The following ATF6 variants were observed in gnomAD, a reference collection of about 807,000 sequenced individuals.
The protein encoded by ATF6 is activating transcription factor 6, also known as cyclic AMP-dependent transcription factor ATF-6 alpha.
A neutral mutation model predicts 83.6 loss-of-function variants in ATF6; 53 were observed. The observed-to-expected ratio is 0.63, with a 90% CI of 0.51 to 0.80. The LOEUF is 0.80. Among genes scored for constraint, ATF6 ranks in the 30% least tolerant of loss-of-function variants. ATF6 has a pLI of 0.00. For missense variants in ATF6, 744 were observed against 797.9 expected, an observed-to-expected ratio of 0.93 and a Z score of 0.81; for synonymous variants, 288 against 285.8, an observed-to-expected ratio of 1.01 and a Z score of -0.08.
intron 6 of ATF6, among the ~76,000 whole-genome samples, chr1:161,800,223 G>T (rs1260790305): frequency 6.6e-6 from 1 of 152,084 alleles, no homozygotes; most frequent in East Asian, 1.9e-4. Context: ...GGTACTTTTG[G>T]ATTTTAGAAT....
intron 4 of ATF6, among the ~76,000 whole-genome samples, chr1:161,789,302 C>T (rs1557960895): frequency 7.7e-6 from 1 of 130,662 alleles, no homozygotes; most frequent in Admixed American, 8.2e-5. Flanking sequence ...CCCCATCTCA[C>T]TACCAGCTTC....
chr1:161,829,411 A>AT (rs1249674449), intron 9 of ATF6, among the ~76,000 whole-genome samples: 2 of 152,044 alleles, frequency 1.3e-5, no homozygotes, highest in African/African-American at 4.8e-5. Context: ...AGCAGACCTA[A>AT]TATACATCTA....
intron 14 of ATF6, chr1:161,891,632 T>C (rs78671576): frequency 0.15 from 22,073 of 152,108 alleles, 2,192 homozygotes; most frequent in East Asian, 0.32. Flanking sequence ...TTAAAAACAT[T>C]GAGAAGATCA....
chr1:161,942,915 G>A (rs1024299980), intron 15 of ATF6, among the ~76,000 whole-genome samples: 3 of 152,140 alleles, frequency 2.0e-5, no homozygotes, highest in East Asian at 1.9e-4. Flanking sequence ...GAGTGCAGTG[G>A]CGCAATCTTG....
rs1294657586 is a variant in ATF6, at chr1:161,802,082, T to C, written c.719T>C (p.Val240Ala). The C allele has an allele frequency of 6.2e-7, 1 of 1,614,096 alleles. No individual in the cohort carries two copies. Among genetic ancestry groups the C allele is most frequent in the Non-Finnish European group, 8.5e-7 (1 of 1,179,988 alleles). The change falls in exon 7 of 16, where the codon GTG (valine) becomes GCG (alanine). Residue 240 changes from valine to alanine, a missense_variant. Coordinates refer to ENST00000367942, the MANE Select transcript of ATF6 (RefSeq NM_007348.4). ...GQTVLLSQPT[V>A]VQLQAPGVLP... is the part of the protein sequence containing the mutation. ...ACGGTTTTGCTGTCTCAGCCTACTG[T>C]GGTACAACTTCAAGCACCTGGAGTT...
At chr1:161,817,942 A>G (rs1685652095) in intron 7 of ATF6, among the ~76,000 whole-genome samples, 1 of 151,906 alleles carries the variant, frequency 6.6e-6, no homozygotes, top group Non-Finnish European at 1.5e-5. Context: ...CCAAAAATAC[A>G]CAAACAAAAT....
intron 15 of ATF6, among the ~76,000 whole-genome samples, chr1:161,942,298 C>T (rs575957886): frequency 7.9e-5 from 12 of 152,266 alleles, no homozygotes; most frequent in Admixed American, 4.6e-4. Flanking sequence ...CAGTTTATTT[C>T]GTCTCCATAA....
intron 4 of ATF6, 142 bp from the exon 5 acceptor site, chr1:161,791,264 AAT>A: frequency 1.8e-5 from 9 of 502,210 alleles, no homozygotes; most frequent in Non-Finnish European, 3.0e-5. Context: ...CTTATTACTT[AAT>A]ATATATATAC....
chr1:161,873,795 C>G (rs1297289612), intron 14 of ATF6, among the ~76,000 whole-genome samples: 1 of 151,564 alleles, frequency 6.6e-6, no homozygotes, highest in Non-Finnish European at 1.5e-5. Flanking sequence ...AGGAAGTACC[C>G]TGAGGGCAGG....
chr1:161,791,900 T>A (rs1374870727), intron 5 of ATF6, among the ~76,000 whole-genome samples: 1 of 152,240 alleles, frequency 6.6e-6, no homozygotes, highest in Non-Finnish European at 1.5e-5. Flanking sequence ...AGTTAGTGTG[T>A]CCCATTCCCA....
intron 2 of ATF6, among the ~76,000 whole-genome samples, chr1:161,781,002 C>T (rs1684624991): frequency 6.6e-6 from 1 of 152,186 alleles, no homozygotes; most frequent in South Asian, 2.1e-4. Flanking sequence ...TTAATATTTA[C>T]TGCCTTTTGA....
chr1:161,802,142 G>T lies in ATF6; in HGVS notation c.779G>T (p.Gly260Val). 6.2e-7 allele frequency: 1 copy of T among 1,614,032 alleles called. No individual in the cohort carries two copies. Among genetic ancestry groups the T allele is most frequent in the African/African-American group, 1.3e-5 (1 of 75,014 alleles). The change falls in exon 7 of 16, where the codon GGG becomes GTG. Residue 260 changes from glycine to valine, a missense_variant. Coordinates refer to ENST00000367942, the MANE Select transcript of ATF6 (RefSeq NM_007348.4). ...PSAQPVLAVA[G>V]GVTQLPNHVV... ...GCTCAGCCAGTCCTTGCTGTTGCTG[G>T]GGGAGTCACACAGCTCCCTAATCAC...
intron 2 of ATF6, among the ~76,000 whole-genome samples, chr1:161,778,859 G>C (rs1013230428): frequency 1.3e-5 from 2 of 152,034 alleles, no homozygotes; most frequent in African/African-American, 4.8e-5. Context: ...TTCTTGATTA[G>C]TACATATAAA....
At chr1:161,896,451 GA>G (rs1687678605) in intron 14 of ATF6, among the ~76,000 whole-genome samples, 1 of 152,136 alleles carries the variant, frequency 6.6e-6, no homozygotes, top group South Asian at 2.1e-4. Flanking sequence ...GCTTTATTTT[GA>G]TGAGTCTTCA....
chr1:161,858,852 T>C (rs1686819418), intron 12 of ATF6, among the ~76,000 whole-genome samples: 1 of 152,322 alleles, frequency 6.6e-6, no homozygotes, highest in Non-Finnish European at 1.5e-5. Context: ...TTGCCTGATA[T>C]CTCTGTAACT....
intron 7 of ATF6, among the ~76,000 whole-genome samples, chr1:161,818,699 A>G (rs1227022403): frequency 6.6e-6 from 1 of 152,246 alleles, no homozygotes; most frequent in Non-Finnish European, 1.5e-5. Flanking sequence ...TTAGACATGT[A>G]TGGAGATTAT....
intron 9 of ATF6, among the ~76,000 whole-genome samples, chr1:161,833,147 T>G (rs1686114197): frequency 6.6e-6 from 1 of 152,142 alleles, no homozygotes; most frequent in South Asian, 2.1e-4. Flanking sequence ...GCAAACAGGG[T>G]CTGGAGTGGA....
chr1:161,944,484 A>G (rs567459721), intron 15 of ATF6, among the ~76,000 whole-genome samples: 8 of 152,350 alleles, frequency 5.3e-5, no homozygotes, highest in East Asian at 3.9e-4. Flanking sequence ...GTTCAGTTCT[A>G]TGCATACAAG....
chr1:161,895,286 A>G (rs1057133810), intron 14 of ATF6, among the ~76,000 whole-genome samples: 4 of 152,204 alleles, frequency 2.6e-5, no homozygotes, highest in African/African-American at 4.8e-5. Context: ...TACCATCTCA[A>G]TGGTCAGAAA....
Sources: gnomAD v4.1 joint callset for allele counts (sites outside exome capture counted in the v4.1 genomes callset) on GRCh38, gnomAD v4.1.1 for gene constraint, MANE v1.5 for transcripts, NCBI Gene and HGNC (gene_info 2026-07-23, HGNC 2026-07-21) for gene names.